Variants in SLC7A2 observed in about 807,000 individuals in gnomAD.
SLC7A2 encodes solute carrier family 7 member 2.
Under a neutral mutation model 58.9 loss-of-function variants are expected in SLC7A2, and 48 were observed. The observed-to-expected ratio is 0.82, with a 90% CI of 0.65 to 1.04. The LOEUF (loss-of-function observed/expected upper bound fraction) is 1.04, where lower values mean the gene tolerates loss of function less well. SLC7A2 is among the 50% of genes least tolerant of loss of function. SLC7A2 has a pLI of 0.00. For synonymous variants in SLC7A2, 363 were observed against 314.5 expected (o/e 1.15, Z -1.63); for missense variants, 1,029 against 818.8 (o/e 1.26, Z -3.13).
intron 2 of SLC7A2, chr8:17,538,681 G>A: frequency 1.1e-6 from 1 of 869,910 alleles, no homozygotes; most frequent in Non-Finnish European, 1.7e-6. Context: ...GAAACGTTGG[G>A]TTTGGACATT....
At chr8:17,494,789 G>A (rs1260942328), upstream of SLC7A2, among the ~76,000 whole-genome samples, 1 of 152,228 alleles carries the variant, frequency 6.6e-6, no homozygotes, top group African/African-American at 2.4e-5. Flanking sequence ...AATGGAATAT[G>A]TTAAGTCAAG....
chr8:17,521,751 G>C (rs1238050266), intron 2 of SLC7A2, among the ~76,000 whole-genome samples: 1 of 152,222 alleles, frequency 6.6e-6, no homozygotes, highest in Non-Finnish European at 1.5e-5. Flanking sequence ...TGAAAACCCA[G>C]GTCTTGTGTC....
At chr8:17,562,243 C>T (rs551158673) in intron 11 of SLC7A2, 133 bp downstream of exon 11, 10 of 834,444 alleles carry the variant, frequency 1.2e-5, no homozygotes, top group Non-Finnish European at 1.7e-5. Flanking sequence ...CTTTGTCACT[C>T]AGGCTGGAGT....
chr8:17,522,747 A>AGG (rs1366579129), intron 2 of SLC7A2, among the ~76,000 whole-genome samples: 1 of 151,958 alleles, frequency 6.6e-6, no homozygotes, highest in African/African-American at 2.4e-5. Flanking sequence ...TTTTTAAAAG[A>AGG]GGGGTTGGCT....
chr8:17,509,091 G>C (rs903828572), intron 2 of SLC7A2, among the ~76,000 whole-genome samples: 16 of 152,028 alleles, frequency 1.1e-4, no homozygotes, highest in African/African-American at 3.9e-4. Context: ...GTAGTTGTTG[G>C]TACCAACTGT....
intron 2 of SLC7A2, among the ~76,000 whole-genome samples, chr8:17,518,920 C>G (rs1428270982): frequency 2.6e-5 from 4 of 152,118 alleles, no homozygotes; most frequent in African/African-American, 9.7e-5. Flanking sequence ...GGGGAGGGCT[C>G]TTTTCCTGGC....
intron 9 of SLC7A2, 118 bp downstream of exon 9, chr8:17,558,515 C>A (rs1802815074): frequency 1.8e-6 from 1 of 563,194 alleles, no homozygotes; most frequent in Admixed American, 3.4e-5. Flanking sequence ...GGTGAGAGGT[C>A]ACATCTAACA....
chr8:17,511,339 GTTTCCAGCAC>G (rs1172749998), intron 2 of SLC7A2: 1 of 152,166 alleles, frequency 6.6e-6, no homozygotes, highest in African/African-American at 2.4e-5. Flanking sequence ...CAGCGTTGAT[GTTTCCAGCAC>G]TTTTATTTCA....
chr8:17,501,608 C>G (rs764001386), intron 1 of SLC7A2, among the ~76,000 whole-genome samples: 3 of 151,968 alleles, frequency 2.0e-5, no homozygotes, highest in African/African-American at 7.3e-5. Context: ...TTTCTTGATA[C>G]GGGACTTTAT....
chr8:17,514,396 G>C (rs942737352), intron 2 of SLC7A2, among the ~76,000 whole-genome samples: 1 of 152,118 alleles, frequency 6.6e-6, no homozygotes, highest in South Asian at 2.1e-4. Flanking sequence ...CAGAAAACCC[G>C]TGTTTTTATT....
In SLC7A2 at chr8:17,565,404, A is replaced by C; in HGVS notation, c.*258A>C. 2.6e-6 allele frequency: 1 copy of C among 383,428 alleles called. No individual in the cohort carries two copies. Among genetic ancestry groups the C allele is most frequent in the Non-Finnish European group, 4.7e-6 (1 of 212,308 alleles). 23.8% of individuals were successfully genotyped at this position (383,428 alleles called of 1,614,324 possible). ...GGAGTGTGTATGTATGTGTGTATGTATGTATCTATGTATATGCTTGGGAAC... is the reference window on the plus strand; with the variant it reads ...GGAGTGTGTATGTATGTGTGTATGTCTGTATCTATGTATATGCTTGGGAAC... On this transcript the variant is annotated 3_prime_UTR_variant, in exon 13 of 13. Transcript: ENST00000494857.
intron 8 of SLC7A2, 74 bp downstream of exon 8, chr8:17,554,773 C>A: frequency 6.8e-7 from 1 of 1,479,412 alleles, no homozygotes; most frequent in African/African-American, 1.4e-5. Context: ...AAATACAAAG[C>A]TAGGTGGTTT....
At chr8:17,519,358 T>C (rs939160617) in intron 2 of SLC7A2, among the ~76,000 whole-genome samples, 1 of 152,200 alleles carries the variant, frequency 6.6e-6, no homozygotes, top group African/African-American at 2.4e-5. Flanking sequence ...TGGTAGTATA[T>C]TTTAGGAGCA....
In SLC7A2 at chr8:17,543,324, T is replaced by G. The variant is rs201956263; in HGVS notation, c.-16T>G. 626 of 1,602,024 alleles carry G rather than the reference T, an allele frequency of 3.9e-4. No individual in the cohort carries two copies. The highest frequency in any genetic ancestry group is 6.7e-4 in the Admixed American group (39 of 58,184). On this transcript the variant is annotated 5_prime_UTR_variant, in exon 3 of 13. Coordinates refer to ENST00000494857, the MANE Select transcript of SLC7A2 (RefSeq NM_001370338.1). ...CCTCCTCCCTTCTGCTCAGGTCGCC[T>G]TCGTCAGACGTCAGAATGATTCCTT...
intron 5 of SLC7A2, among the ~76,000 whole-genome samples, chr8:17,549,959 G>C (rs1255423819): frequency 6.6e-6 from 1 of 152,150 alleles, no homozygotes; most frequent in Non-Finnish European, 1.5e-5. Flanking sequence ...GCATCCATGA[G>C]AAGAAGAGGT....
Position 17,569,792 on chromosome 8 carries a change from A to G in SLC7A2, c.*4646A>G, listed in dbSNP as rs1323411261. ...ACTTTGATTCACCATGGTTGATGCC[A>G]CTGCCATGATCGCTGGGTCTTAAAG... On this transcript the variant is annotated 3_prime_UTR_variant, in exon 13 of 13. Transcript: ENST00000494857. 1.3e-5 allele frequency: 2 copies of G among 152,108 alleles called. No individual in the cohort carries two copies. Among genetic ancestry groups the G allele is most frequent in the African/African-American group, 4.8e-5 (2 of 41,410 alleles). 9.4% of individuals were successfully genotyped at this position (152,108 alleles called of 1,614,324 possible).
At position 17,565,844 on chromosome 8, in the gene SLC7A2, C is replaced by A. The variant is rs1465167378; in HGVS notation, c.*698C>A. 6.6e-6 allele frequency: 1 copy of A among 152,256 alleles called. No homozygotes were observed. The highest frequency in any genetic ancestry group is 1.5e-5 in the Non-Finnish European group (1 of 68,056). 9.4% of individuals were successfully genotyped at this position (152,256 alleles called of 1,614,324 possible). ...AGGCCAGGAGTGGCATTCCATGCCA[C>A]TAGTTGGCATCCTTTTGAACTTTTG... On this transcript the variant is annotated 3_prime_UTR_variant, in exon 13 of 13. Transcript: ENST00000494857.
intron 2 of SLC7A2, among the ~76,000 whole-genome samples, chr8:17,524,326 T>C (rs1209599604): frequency 1.3e-5 from 2 of 151,908 alleles, no homozygotes; most frequent in African/African-American, 4.8e-5. Context: ...GTAGCACAAT[T>C]TGCAATTGCA....
chr8:17,565,084 G>T lies in SLC7A2; in HGVS notation c.1915G>T (p.Asp639Tyr). The change falls in exon 13 of 13, where the codon GAC (aspartate) becomes TAC (tyrosine). Residue 639 changes from aspartate to tyrosine, a missense_variant. Physicochemically the swap from Asp to Tyr is radical, Grantham distance 160. Transcript: ENST00000494857. ...AEEKSAIQAN[D>Y]HHPRNLSSPF... ...AGAAAAATCTGCCATTCAAGCAAAT[G>T]ACCATCACCCAAGAAATCTCAGTTC... 1 of 1,613,952 alleles carries T rather than the reference G, an allele frequency of 6.2e-7. No homozygotes were observed. Among genetic ancestry groups the T allele is most frequent in the South Asian group, 1.1e-5 (1 of 91,022 alleles).
Sources: gnomAD v4.1 joint callset for allele counts (sites outside exome capture counted in the v4.1 genomes callset) on GRCh38, gnomAD v4.1.1 for gene constraint, MANE v1.5 for transcripts, NCBI Gene and HGNC (gene_info 2026-07-23, HGNC 2026-07-21) for gene names.